LRP5: variants seen among roughly 807,000 people sequenced by gnomAD.
The protein encoded by LRP5 is low-density lipoprotein receptor-related protein 5.
In LRP5, 62 loss-of-function variants were observed where a neutral mutation model predicts 154.1. The ratio of observed to expected loss-of-function variants is 0.40; its 90% CI spans 0.33 to 0.50. The LOEUF is 0.50. Among genes scored for constraint, LRP5 ranks in the 20% least tolerant of loss-of-function variants. LRP5 has a pLI of 0.55. For missense variants in LRP5, 1,915 were observed against 2,336.7 expected (o/e 0.82, Z 3.72); for synonymous variants, 966 against 1,011.5 (o/e 0.96, Z 0.85).
chr11:68,324,928 G>A (rs1221517769), intron 1 of LRP5, among the ~76,000 whole-genome samples: 18 of 152,218 alleles, frequency 1.2e-4, no homozygotes, highest in East Asian at 5.8e-4. Flanking sequence ...GGCTCTGGGC[G>A]GCCTCCTTGC....
At chr11:68,310,971 T>C (rs1318914466), upstream of LRP5, among the ~76,000 whole-genome samples, 1 of 151,864 alleles carries the variant, frequency 6.6e-6, no homozygotes, top group Non-Finnish European at 1.5e-5. Context: ...GCTTCTTTCC[T>C]GAGATGGCAG....
chr11:68,448,942 C>G lies in LRP5; in HGVS notation c.4720C>G (p.Pro1574Ala), dbSNP rs748088266. 18 of 1,613,208 alleles carry G rather than the reference C, an allele frequency of 1.1e-5. No individual in the cohort carries two copies. In the Admixed American group the frequency reaches 3.0e-4, roughly 27 times the overall value. ...LDLNSDSDPY[P>A]PPPTPHSQYL... is the part of the protein sequence containing the mutation. Reference sequence around the variant, plus strand: ...TTTGAACTCGGACTCAGACCCCTATCCACCCCCACCCACGCCCCACAGCCA... The same window carrying G: ...TTTGAACTCGGACTCAGACCCCTATGCACCCCCACCCACGCCCCACAGCCA... The change falls in exon 23 of 23, where the codon CCA (proline) becomes GCA (alanine). Residue 1574 changes from proline to alanine, a missense_variant. This residue lies in a region of LRP5 where 1,094 missense variants were observed against 1,210.1 expected (regional missense o/e 0.90). Transcript: ENST00000294304.
chr11:68,442,424 C>T (rs1162252408), intron 21 of LRP5, among the ~76,000 whole-genome samples: 3 of 152,110 alleles, frequency 2.0e-5, no homozygotes, highest in Non-Finnish European at 4.4e-5. Context: ...GGCAGGTGTG[C>T]ACCATCATGC....
intron 1 of LRP5, among the ~76,000 whole-genome samples, chr11:68,333,191 T>C (rs2098603908): frequency 6.6e-6 from 1 of 152,170 alleles, no homozygotes; most frequent in Admixed American, 6.5e-5. Context: ...GTGCAGGTAA[T>C]TGAAACGTGG....
chr11:68,320,507 G>A (rs1307125273), intron 1 of LRP5, among the ~76,000 whole-genome samples: 1 of 148,662 alleles, frequency 6.7e-6, no homozygotes, highest in Admixed American at 6.7e-5. Flanking sequence ...CCAGGCTGGA[G>A]TGCAGTGGCG....
intron 7 of LRP5, among the ~76,000 whole-genome samples, chr11:68,391,985 A>G (rs1365681594): frequency 6.6e-6 from 1 of 152,148 alleles, no homozygotes; most frequent in African/African-American, 2.4e-5. Context: ...GGGACTACAG[A>G]CACATACCAC....
At chr11:68,412,589 G>A (rs1419383102) in intron 11 of LRP5, among the ~76,000 whole-genome samples, 3 of 151,692 alleles carry the variant, frequency 2.0e-5, no homozygotes, top group Non-Finnish European at 4.4e-5. Context: ...AGGTTGTGGT[G>A]AGCTGTGATC....
chr11:68,362,232 C>T (rs768462407), intron 3 of LRP5, among the ~76,000 whole-genome samples: 18 of 152,256 alleles, frequency 1.2e-4, no homozygotes, highest in Middle Eastern at 3.4e-3. Flanking sequence ...TAGTTAAGTC[C>T]ATCAAAAGTG....
intron 9 of LRP5, among the ~76,000 whole-genome samples, chr11:68,409,101 C>CATATAT (rs1467803142): frequency 0.025 from 1,972 of 79,944 alleles, 118 homozygotes; most frequent in African/African-American, 0.074. Context: ...TATATACACA[C>CATATAT]ACATACACGC....
chr11:68,300,625 T>C, the LRP5 span, among the ~76,000 whole-genome samples: 103 of 149,510 alleles, frequency 6.9e-4, no homozygotes, highest in Middle Eastern at 3.4e-3. Flanking sequence ...CCAAATTCCC[T>C]GCCCAAGCCG....
the LRP5 span, among the ~76,000 whole-genome samples, chr11:68,300,654 C>T: frequency 6.7e-6 from 1 of 149,426 alleles, no homozygotes; most frequent in Non-Finnish European, 1.5e-5. Context: ...ATACGGATGC[C>T]TCCCTCAGAC....
intron 1 of LRP5, among the ~76,000 whole-genome samples, chr11:68,314,864 T>G (rs2098591937): frequency 6.6e-6 from 1 of 152,226 alleles, no homozygotes; most frequent in Admixed American, 6.5e-5. Flanking sequence ...TTAGCTCCCC[T>G]CTTCAGTTCC....
chr11:68,322,710 G>T (rs533201476), intron 1 of LRP5, among the ~76,000 whole-genome samples: 1 of 152,264 alleles, frequency 6.6e-6, no homozygotes, highest in Admixed American at 6.5e-5. Context: ...TCTGTCCAGG[G>T]AGCAGATCTT....
At chr11:68,300,181 C>T in the LRP5 span, among the ~76,000 whole-genome samples, 1 of 149,234 alleles carries the variant, frequency 6.7e-6, no homozygotes, top group African/African-American at 2.4e-5. Flanking sequence ...CATGAGCCAC[C>T]GTGCCTGGCC....
At chr11:68,318,513 G>A (rs1313555556) in intron 1 of LRP5, among the ~76,000 whole-genome samples, 1 of 151,822 alleles carries the variant, frequency 6.6e-6, no homozygotes, top group African/African-American at 2.4e-5. Context: ...TGATTTTGTT[G>A]TTTTTTGTAG....
intron 2 of LRP5, among the ~76,000 whole-genome samples, chr11:68,348,484 G>A (rs560888688): frequency 7.1e-6 from 1 of 141,176 alleles, no homozygotes; most frequent in African/African-American, 2.7e-5. Context: ...AAATGAACCC[G>A]TGGGGGGGTT....
the LRP5 span, among the ~76,000 whole-genome samples, chr11:68,307,071 A>T: frequency 2.0e-5 from 3 of 152,104 alleles, no homozygotes; most frequent in East Asian, 5.8e-4. Context: ...AATCCCAGCT[A>T]CTCGGGAGGC....
Position 68,377,316 on chromosome 11 carries a change from G to A in LRP5, c.1016-9000G>A, listed in dbSNP as rs1276427108. ...CCCCAGGCAGAGCAGCGACTTTCCT[G>A]TTTTAGAGCTGAGCAGACAGAGCCC... On this transcript the variant is annotated intron_variant, in intron 5 of 22. Coordinates refer to ENST00000294304, the MANE Select transcript of LRP5 (RefSeq NM_002335.4). Among the ~76,000 whole-genome samples the A allele has an allele frequency of 5.9e-5, 9 of 152,180 alleles. 1 individual carries two copies.
chr11:68,438,141 C>G (rs922083485), intron 19 of LRP5, among the ~76,000 whole-genome samples: 1 of 152,228 alleles, frequency 6.6e-6, no homozygotes, highest in Non-Finnish European at 1.5e-5. Context: ...ACTTCTGCCA[C>G]CACCGAGGGC....
Sources: allele counts gnomAD v4.1 joint callset (sites outside exome capture counted in the v4.1 genomes callset), GRCh38; gene constraint gnomAD v4.1.1; regional missense constraint gnomAD v4.1.1; transcripts MANE v1.5; gene names NCBI Gene and HGNC (gene_info 2026-07-23, HGNC 2026-07-21).